AMMECR1: variants seen among roughly 807,000 people sequenced by gnomAD.
AMMECR1 encodes the protein nuclear protein AMMECR1.
In AMMECR1, 3 loss-of-function variants were observed where a neutral mutation model predicts 22.5. That is an observed-to-expected ratio of 0.13 (90% CI 0.06 to 0.35). AMMECR1 has a LOEUF of 0.35. Among genes scored for constraint, AMMECR1 ranks in the 10% least tolerant of loss-of-function variants. AMMECR1 has a pLI of 1.00. For missense variants in AMMECR1, 235 were observed against 278.7 expected, an observed-to-expected ratio of 0.84 and a Z score of 1.12; for synonymous variants, 130 against 116.7, an observed-to-expected ratio of 1.11 and a Z score of -0.74.
chrX:110,342,010 G>A (rs1179172997), intron 2 of AMMECR1, among the ~76,000 whole-genome samples: 1 of 110,859 alleles, frequency 9.0e-6, no homozygotes, highest in Non-Finnish European at 1.9e-5. Context: ...AGTGAGCTGA[G>A]ATCGTGCCAC....
intron 2 of AMMECR1, among the ~76,000 whole-genome samples, chrX:110,335,606 A>G (rs2068138261): frequency 1.8e-5 from 2 of 111,932 alleles, no homozygotes; most frequent in Admixed American, 1.9e-4. Context: ...CTCAAGAAAG[A>G]ATGAGTGATG....
intron 1 of AMMECR1, among the ~76,000 whole-genome samples, chrX:110,289,780 A>G (rs764795964): frequency 8.9e-6 from 1 of 112,232 alleles, no homozygotes; most frequent in Non-Finnish European, 1.9e-5. Context: ...ATACAAATCT[A>G]TCAAGCCAAA....
chrX:110,302,161 ACC>A (rs2067970578), intron 1 of AMMECR1, among the ~76,000 whole-genome samples: 2 of 111,790 alleles, frequency 1.8e-5, no homozygotes, highest in South Asian at 7.5e-4. Context: ...AGAAAAAGAT[ACC>A]TTCTTTCAGG....
chrX:110,347,014 A>C (rs1028293736), intron 2 of AMMECR1: 7 of 467,201 alleles, frequency 1.5e-5, no homozygotes, highest in Non-Finnish European at 2.7e-5. Flanking sequence ...AGGGCTCAGG[A>C]ATACCAGCAT....
chrX:110,271,854 A>G (rs2067800326), intron 1 of AMMECR1, among the ~76,000 whole-genome samples: 1 of 111,357 alleles, frequency 9.0e-6, no homozygotes, highest in Admixed American at 9.6e-5. Flanking sequence ...AGTAATTTCT[A>G]TTTGGAAGTC....
At chrX:110,427,200 TC>T (rs1248900727) in intron 1 of AMMECR1, among the ~76,000 whole-genome samples, 2 of 111,938 alleles carry the variant, frequency 1.8e-5, no homozygotes, top group African/African-American at 3.3e-5. Flanking sequence ...TCACCTTCTC[TC>T]CTTAGTCCTC....
chrX:110,377,159 A>G (rs1355309451), intron 2 of AMMECR1, among the ~76,000 whole-genome samples: 1 of 111,888 alleles, frequency 8.9e-6, no homozygotes. Flanking sequence ...CCCAAGTCCA[A>G]TCTTGGAATC....
intron 2 of AMMECR1, among the ~76,000 whole-genome samples, chrX:110,250,401 G>C (rs1178321469): frequency 8.9e-6 from 1 of 111,765 alleles, no homozygotes; most frequent in Non-Finnish European, 1.9e-5. Context: ...GGTAGACTGT[G>C]AGAGATATTG....
At chrX:110,413,991 G>A (rs776546705) in intron 2 of AMMECR1, among the ~76,000 whole-genome samples, 4 of 112,021 alleles carry the variant, frequency 3.6e-5, no homozygotes, top group African/African-American at 1.3e-4. Flanking sequence ...GAGAGGTTGA[G>A]TGACTTACCC....
chrX:110,219,938 C>T (rs1252142803), intron 2 of AMMECR1, among the ~76,000 whole-genome samples: 1 of 111,849 alleles, frequency 8.9e-6, no homozygotes, highest in Non-Finnish European at 1.9e-5. Context: ...CAATGAAAGC[C>T]TGCAAGGATT....
intron 2 of AMMECR1, among the ~76,000 whole-genome samples, chrX:110,359,188 T>C (rs764064866): frequency 3.2e-4 from 36 of 111,460 alleles, no homozygotes; most frequent in Admixed American, 3.0e-3. Flanking sequence ...GGCTGTGTTA[T>C]ACTGCTTCGC....
At chrX:110,348,245 A>G (rs1467511183) in intron 2 of AMMECR1, among the ~76,000 whole-genome samples, 1 of 111,995 alleles carries the variant, frequency 8.9e-6, no homozygotes, top group Non-Finnish European at 1.9e-5. Context: ...TGTTGAACTT[A>G]CTGATTTCGA....
intron 2 of AMMECR1, among the ~76,000 whole-genome samples, chrX:110,420,279 G>T (rs1049885661): frequency 1.8e-5 from 2 of 112,256 alleles, no homozygotes; most frequent in Non-Finnish European, 3.8e-5. Context: ...CTTCCCCTGT[G>T]CCTGGAAGAG....
chrX:110,244,910 ATTATC>A (rs1430305723), intron 2 of AMMECR1, among the ~76,000 whole-genome samples: 10 of 112,376 alleles, frequency 8.9e-5, no homozygotes, highest in Non-Finnish European at 1.7e-4. Context: ...CTAAGTTTGA[ATTATC>A]TTATATAGAA....
intron 2 of AMMECR1, among the ~76,000 whole-genome samples, chrX:110,384,823 TGA>T (rs1007231018): frequency 1.8e-5 from 2 of 110,921 alleles, no homozygotes; most frequent in African/African-American, 6.6e-5. Context: ...ATACCCTTCC[TGA>T]AATGGGCAGA....
At chrX:110,233,443 A>T (rs772071981) in intron 2 of AMMECR1, among the ~76,000 whole-genome samples, 2 of 112,436 alleles carry the variant, frequency 1.8e-5, no homozygotes, top group Admixed American at 9.4e-5. Context: ...AACTATGCCA[A>T]TCAATAGAAA....
At chrX:110,418,188 A>C (rs1423154414) in intron 2 of AMMECR1, among the ~76,000 whole-genome samples, 1 of 112,521 alleles carries the variant, frequency 8.9e-6, no homozygotes, top group African/African-American at 3.2e-5. Flanking sequence ...GGTGTAGAGG[A>C]ACAATGTGAA....
intron 2 of AMMECR1, among the ~76,000 whole-genome samples, chrX:110,362,051 C>T (rs898056923): frequency 8.9e-6 from 1 of 111,914 alleles, no homozygotes; most frequent in African/African-American, 3.2e-5. Context: ...GTATCTCCAA[C>T]ATCTAGAATA....
At chrX:110,250,140 T>C (rs2067679810) in intron 2 of AMMECR1, among the ~76,000 whole-genome samples, 1 of 112,435 alleles carries the variant, frequency 8.9e-6, no homozygotes, top group African/African-American at 3.2e-5. Context: ...TGAAATTGTA[T>C]GCTTCTTAAC....
Sources: gnomAD v4.1 joint callset for allele counts (sites outside exome capture counted in the v4.1 genomes callset) on GRCh38, gnomAD v4.1.1 for gene constraint, MANE v1.5 for transcripts, NCBI Gene and HGNC (gene_info 2026-07-23, HGNC 2026-07-21) for gene names.